DCDC1: variants seen among roughly 807,000 people sequenced by gnomAD.
DCDC1 encodes the protein doublecortin domain containing 1, also known as doublecortin domain-containing protein 1.
In DCDC1, 200 loss-of-function variants were observed where a neutral mutation model predicts 178.3. The observed-to-expected ratio is 1.12, with a 90% CI of 1.00 to 1.26. The LOEUF (loss-of-function observed/expected upper bound fraction) is 1.26, where lower values mean the gene tolerates loss of function less well. Among genes scored for constraint, DCDC1 ranks in the 50% most tolerant of loss-of-function variants. The pLI is 0.00. For synonymous variants in DCDC1, 690 were observed against 604.8 expected, an observed-to-expected ratio of 1.14 and a Z score of -2.07; for missense variants, 1,983 against 1,749.2, an observed-to-expected ratio of 1.13 and a Z score of -2.38.
chr11:31,044,200 G>A (rs888567765), intron 20 of DCDC1, among the ~76,000 whole-genome samples: 1 of 152,080 alleles, frequency 6.6e-6, no homozygotes, highest in Non-Finnish European at 1.5e-5. Context: ...AACAGGGGCC[G>A]GGCACGGTGG....
At chr11:30,868,734 C>T (rs1941255872) in intron 38 of DCDC1, among the ~76,000 whole-genome samples, 1 of 152,216 alleles carries the variant, frequency 6.6e-6, no homozygotes, top group African/African-American at 2.4e-5. Flanking sequence ...AGAGATCAGT[C>T]TGGGTCACCT....
intron 7 of DCDC1, among the ~76,000 whole-genome samples, chr11:31,270,414 T>C (rs906554629): frequency 2.0e-5 from 3 of 152,210 alleles, no homozygotes; most frequent in African/African-American, 7.2e-5. Context: ...ACCAAAATTA[T>C]TTTGTTTGCC....
chr11:31,085,639 C>T (rs542514144), intron 17 of DCDC1, among the ~76,000 whole-genome samples: 2 of 152,034 alleles, frequency 1.3e-5, no homozygotes, highest in South Asian at 4.2e-4. Context: ...ATGGGATGGA[C>T]ATTTGAGTTA....
chr11:31,281,018 T>G, intron 7 of DCDC1: 1 of 550,296 alleles, frequency 1.8e-6, no homozygotes, highest in Admixed American at 2.1e-5. Context: ...ACAACGAAGG[T>G]TCCCGCTCTG....
At position 30,922,551 on chromosome 11, in the gene DCDC1, A is replaced by G. The variant is rs779155688; in HGVS notation, c.3085T>C (p.Ser1029Pro). The G allele has an allele frequency of 1.9e-6, 3 of 1,584,912 alleles. No homozygotes were observed. In the Admixed American group the frequency reaches 5.7e-5, roughly 30 times the overall value. The change falls in exon 24 of 39, where the codon TCA becomes CCA. Residue 1029 changes from serine (S) to proline (P), a missense_variant. Physicochemically the swap from Ser to Pro is moderately conservative, Grantham distance 74. Coordinates refer to ENST00000684477, the MANE Select transcript of DCDC1 (RefSeq NM_001387274.1). ...KKQIFLRNLE[S>P]DIAKIQIFCS... ...AAGATTTGAATTTTGGCAATGTCTG[A>G]TTCTAGGTTCCTCAGGAATATTTGT...
At chr11:31,311,239 A>G (rs1227721154) in intron 3 of DCDC1, among the ~76,000 whole-genome samples, 1 of 152,182 alleles carries the variant, frequency 6.6e-6, no homozygotes, top group African/African-American at 2.4e-5. Flanking sequence ...GCTACTGGCA[A>G]GCCTGCATAT....
At chr11:31,147,806 G>T (rs1345993204) in intron 9 of DCDC1, among the ~76,000 whole-genome samples, 1 of 152,182 alleles carries the variant, frequency 6.6e-6, no homozygotes, top group Non-Finnish European at 1.5e-5. Context: ...TTAAGGGAAG[G>T]CCAAAGAAAG....
At chr11:31,045,836 T>C (rs577656312) in intron 20 of DCDC1, among the ~76,000 whole-genome samples, 1 of 152,192 alleles carries the variant, frequency 6.6e-6, no homozygotes, top group Non-Finnish European at 1.5e-5. Context: ...TTTAAACTTT[T>C]TATTCTGAAG....
intron 9 of DCDC1, among the ~76,000 whole-genome samples, chr11:31,180,402 G>A (rs574653147): frequency 2.6e-4 from 39 of 152,232 alleles, no homozygotes; most frequent in Non-Finnish European, 4.3e-4. Context: ...TTAAATTGGG[G>A]GGCTGGCAAG....
At chr11:30,907,180 C>T (rs1299292641) in intron 29 of DCDC1, among the ~76,000 whole-genome samples, 1 of 152,092 alleles carries the variant, frequency 6.6e-6, no homozygotes, top group African/African-American at 2.4e-5. Context: ...AATATAAAAT[C>T]CTATGAGTTT....
chr11:30,924,675 T>G (rs977762086), intron 23 of DCDC1, among the ~76,000 whole-genome samples: 2 of 152,130 alleles, frequency 1.3e-5, no homozygotes, highest in Non-Finnish European at 2.9e-5. Flanking sequence ...AGTAGAGAAT[T>G]TACCTCCTTC....
chr11:31,183,153 A>G (rs1013452928), intron 9 of DCDC1, among the ~76,000 whole-genome samples: 5 of 152,164 alleles, frequency 3.3e-5, no homozygotes, highest in Admixed American at 3.3e-4. Flanking sequence ...AATAATAGTG[A>G]GAGATTTAAC....
At chr11:30,964,711 A>ATC (rs1949327744) in intron 20 of DCDC1, among the ~76,000 whole-genome samples, 1 of 152,162 alleles carries the variant, frequency 6.6e-6, no homozygotes, top group Non-Finnish European at 1.5e-5. Context: ...TTATATATAT[A>ATC]TTTGAACTTT....
At chr11:30,998,320 AG>A (rs140336621) in intron 20 of DCDC1, among the ~76,000 whole-genome samples, 3,391 of 152,046 alleles carry the variant, frequency 0.022, 121 homozygotes, top group African/African-American at 0.076. Context: ...AAAAGTGGGG[AG>A]GGGGGAGGAA....
chr11:30,990,560 T>C (rs1432288808), intron 20 of DCDC1, among the ~76,000 whole-genome samples: 2 of 151,910 alleles, frequency 1.3e-5, no homozygotes, highest in African/African-American at 2.4e-5. Flanking sequence ...CAGGGAGACA[T>C]AGGAAAGGTG....
At chr11:31,184,942 A>G (rs552169865) in intron 9 of DCDC1, among the ~76,000 whole-genome samples, 42 of 152,350 alleles carry the variant, frequency 2.8e-4, no homozygotes, top group African/African-American at 9.4e-4. Flanking sequence ...TAATTCTACT[A>G]TAGAGACACA....
At position 31,271,824 on chromosome 11, in the gene DCDC1, C is replaced by T. The variant is rs184155604; in HGVS notation, c.961-6224G>A. The stretch of plus-strand genomic sequence containing the variant: ...AAGTCACATCTTACATGGATGGCAG[C>T]AGGCAGAGAGAGAGCTTCTGCAGGG... On this transcript the variant is annotated intron_variant, in intron 7 of 38. Coordinates refer to ENST00000684477, the MANE Select transcript of DCDC1 (RefSeq NM_001387274.1). 7.9e-4 allele frequency among the ~76,000 whole-genome samples: 120 copies of T among 152,152 alleles called. 2 individuals are homozygous for T. The highest frequency in any genetic ancestry group is 6.1e-3 in the Admixed American group (93 of 15,276).
chr11:31,208,237 A>C (rs997748453), intron 9 of DCDC1, among the ~76,000 whole-genome samples: 1 of 152,144 alleles, frequency 6.6e-6, no homozygotes, highest in Non-Finnish European at 1.5e-5. Flanking sequence ...AATGGCAAAC[A>C]ATCTCCCCTT....
rs575204417 is a variant in DCDC1 at position 31,145,239 on chromosome 11, C to T, written c.1222-7455G>A. ...TATCTGTATGCATATGGTGAGAGGA[C>T]GGAGCCAGATAGAGCTTCATGGATG... On this transcript the variant is annotated intron_variant, in intron 9 of 38. Coordinates refer to ENST00000684477, the MANE Select transcript of DCDC1 (RefSeq NM_001387274.1). Among the ~76,000 whole-genome samples, 7 of 152,140 alleles carry T rather than the reference C, an allele frequency of 4.6e-5. No homozygotes were observed. In the South Asian group the frequency reaches 1.5e-3, roughly 32 times the overall value.
Sources: allele counts gnomAD v4.1 joint callset (sites outside exome capture counted in the v4.1 genomes callset), GRCh38; gene constraint gnomAD v4.1.1; transcripts MANE v1.5; gene names NCBI Gene and HGNC (gene_info 2026-07-23, HGNC 2026-07-21).